OR2L13: variants seen among roughly 807,000 people sequenced by gnomAD.
OR2L13 encodes the protein olfactory receptor 2L13.
A neutral mutation model predicts 15.3 loss-of-function variants in OR2L13; 14 were observed. That is an observed-to-expected ratio of 0.91 (90% CI 0.60 to 1.43). The LOEUF (loss-of-function observed/expected upper bound fraction) is 1.43, where lower values mean the gene tolerates loss of function less well. Ranked by LOEUF, OR2L13 falls within the 40% of genes most tolerant of loss-of-function variation. OR2L13 has a pLI of 0.00. For missense variants in OR2L13, 367 were observed against 387.9 expected (o/e 0.95, Z 0.45); for synonymous variants, 152 against 142.9 (o/e 1.06, Z -0.45).
the OR2L13 span, among the ~76,000 whole-genome samples, chr1:248,018,133 C>A: frequency 2.0e-5 from 3 of 148,044 alleles, no homozygotes; most frequent in Admixed American, 2.0e-4. Context: ...CCAGCCTAGG[C>A]GACAGAGCGA....
At chr1:247,994,420 T>G in the OR2L13 span, among the ~76,000 whole-genome samples, 1 of 151,920 alleles carries the variant, frequency 6.6e-6, no homozygotes, top group Non-Finnish European at 1.5e-5. Flanking sequence ...CAAAAAGAAC[T>G]GGGAGTGATT....
the OR2L13 span, among the ~76,000 whole-genome samples, chr1:248,055,616 G>A: frequency 6.6e-6 from 1 of 152,160 alleles, no homozygotes; most frequent in Non-Finnish European, 1.5e-5. Flanking sequence ...AATTAGCCAG[G>A]CATGGTGTTG....
exon 3 of OR2L13, chr1:248,099,429 C>T: frequency 6.2e-7 from 1 of 1,613,854 alleles, no homozygotes; most frequent in Non-Finnish European, 8.5e-7. Flanking sequence ...GTCTGCTTCC[C>T]CCAAATCAAA....
Position 248,100,206 on chromosome 1 carries a change from C to T in OR2L13, c.831C>T (p.Tyr277=), listed in dbSNP as rs146972329. ...AAGACAAGATCCTGGCAGTCTTCTA[C>T]ACCATCCTTACCCCCATGCTCAATC... is the stretch of plus-strand genomic sequence containing the variant. Residue 277 remains tyrosine (Y), a synonymous_variant, in exon 3 of 3, where the codon TAC becomes TAT. Coordinates refer to ENST00000641714, the Ensembl canonical transcript of OR2L13. The T allele has an allele frequency of 6.2e-6, 10 of 1,613,518 alleles. No individual in the cohort carries two copies. The African/African-American group carries it at 1.2e-4, about 19-fold the overall frequency.
At chr1:248,069,070 A>T in the OR2L13 span, among the ~76,000 whole-genome samples, 1 of 152,338 alleles carries the variant, frequency 6.6e-6, no homozygotes, top group Non-Finnish European at 1.5e-5. Context: ...ATCCAGGAGA[A>T]CTTCCCCAAT....
the OR2L13 span, among the ~76,000 whole-genome samples, chr1:248,030,672 C>T: frequency 1.3e-5 from 2 of 152,050 alleles, no homozygotes; most frequent in African/African-American, 4.8e-5. Context: ...AATCTTAATG[C>T]TGCTTCTTAC....
At chr1:247,962,350 A>G in the OR2L13 span, among the ~76,000 whole-genome samples, 1 of 152,230 alleles carries the variant, frequency 6.6e-6, no homozygotes, top group Non-Finnish European at 1.5e-5. Flanking sequence ...AAGTAAATTA[A>G]TACAAGTATC....
At chr1:247,968,121 C>T in the OR2L13 span, among the ~76,000 whole-genome samples, 5 of 151,844 alleles carry the variant, frequency 3.3e-5, no homozygotes, top group Admixed American at 6.6e-5. Flanking sequence ...TTTTATTCAT[C>T]GCATAAAGTA....
At chr1:248,052,600 G>A in the OR2L13 span, among the ~76,000 whole-genome samples, 10 of 151,932 alleles carry the variant, frequency 6.6e-5, no homozygotes, top group African/African-American at 2.2e-4. Flanking sequence ...GCGTGGTGGC[G>A]GGCACCTGTA....
the OR2L13 span, among the ~76,000 whole-genome samples, chr1:248,033,789 A>T: frequency 6.6e-6 from 1 of 151,986 alleles, no homozygotes; most frequent in Non-Finnish European, 1.5e-5. Context: ...TACCAATGTC[A>T]TACTGTTTTG....
In OR2L13 at chr1:248,100,007, T is replaced by C. The variant is rs764694152; in HGVS notation, c.632T>C (p.Ile211Thr). Residue 211 changes from isoleucine (I) to threonine (T), a missense_variant, in exon 3 of 3, where the codon ATT becomes ACT. Transcript: ENST00000641714. ...AGCCTCTTTCTCCTTTTCCCTTTCA[T>C]TGGCATCACTTCTTCCTGTGGCCGA... 1.0e-4 allele frequency: 161 copies of C among 1,614,200 alleles called. No homozygotes were observed. The East Asian group carries it at 3.1e-3, about 31-fold the overall frequency.
chr1:247,978,670 A>G, the OR2L13 span, among the ~76,000 whole-genome samples: 13,621 of 152,090 alleles, frequency 0.09, 779 homozygotes, highest in East Asian at 0.18. Context: ...TGGCTACTCT[A>G]TGCTTAGTGG....
At chr1:247,990,515 T>C in the OR2L13 span, 1 of 1,554,442 alleles carries the variant, frequency 6.4e-7, no homozygotes, top group East Asian at 2.2e-5. Context: ...TGGTTTATGA[T>C]TTTTCTGTAT....
the OR2L13 span, among the ~76,000 whole-genome samples, chr1:248,047,953 T>C: frequency 6.6e-6 from 1 of 152,190 alleles, no homozygotes; most frequent in Non-Finnish European, 1.5e-5. Context: ...AGATACAGGG[T>C]CAGACATTCA....
the OR2L13 span, among the ~76,000 whole-genome samples, chr1:248,057,240 A>G: frequency 6.6e-6 from 1 of 152,110 alleles, no homozygotes; most frequent in Non-Finnish European, 1.5e-5. Context: ...TGGGGTATTA[A>G]AGTCTCTCAC....
chr1:248,058,000 T>G, the OR2L13 span, among the ~76,000 whole-genome samples: 1 of 152,228 alleles, frequency 6.6e-6, no homozygotes, highest in Non-Finnish European at 1.5e-5. Flanking sequence ...CTTGCAGTAA[T>G]GTGTTAAGTA....
At chr1:248,054,748 T>C in the OR2L13 span, among the ~76,000 whole-genome samples, 11 of 152,358 alleles carry the variant, frequency 7.2e-5, no homozygotes, top group Admixed American at 6.5e-4. Context: ...TGCCTGTCTG[T>C]TGCTGGAGTG....
the OR2L13 span, chr1:247,990,945 C>T: frequency 2.7e-6 from 4 of 1,469,458 alleles, no homozygotes; most frequent in African/African-American, 5.6e-5. Flanking sequence ...CTGTCTACCA[C>T]ATGCACTCTG....
At chr1:248,091,942 T>A (rs557507334), upstream of OR2L13, among the ~76,000 whole-genome samples, 3 of 152,308 alleles carry the variant, frequency 2.0e-5, no homozygotes, top group South Asian at 6.2e-4. Context: ...AGTTTTTCTA[T>A]TTGTTGGTGT....
Sources: allele counts gnomAD v4.1 joint callset (sites outside exome capture counted in the v4.1 genomes callset), GRCh38; gene constraint gnomAD v4.1.1; transcripts MANE v1.5; gene names NCBI Gene and HGNC (gene_info 2026-07-23, HGNC 2026-07-21).